MAN1A1: variants seen among roughly 807,000 people sequenced by gnomAD.
MAN1A1 encodes mannosidase alpha class 1A member 1.
Under a neutral mutation model 70.8 loss-of-function variants are expected in MAN1A1, and 29 were observed. The observed-to-expected ratio is 0.41, with a 90% CI of 0.31 to 0.56. MAN1A1 has a LOEUF of 0.56. Ranked by LOEUF, MAN1A1 falls within the 20% of genes least tolerant of loss-of-function variation. The pLI is 0.29. For synonymous variants in MAN1A1, 349 were observed against 330.1 expected (o/e 1.06, Z -0.62); for missense variants, 747 against 841.3 (o/e 0.89, Z 1.39).
At chr6:119,207,243 CACCCCCCCA>C (rs1429310772) in intron 6 of MAN1A1, among the ~76,000 whole-genome samples, 1 of 151,952 alleles carries the variant, frequency 6.6e-6, no homozygotes, top group Non-Finnish European at 1.5e-5. Flanking sequence ...TTTCTGTCAC[CACCCCCCCA>C]ACCCCCAACC....
chr6:119,223,803 T>C (rs2114262578), intron 6 of MAN1A1, among the ~76,000 whole-genome samples: 1 of 151,946 alleles, frequency 6.6e-6, no homozygotes, highest in South Asian at 2.1e-4. Context: ...GTGAAGAAAA[T>C]TGGTTACCAA....
chr6:119,180,898 T>G (rs1249700097), intron 11 of MAN1A1, among the ~76,000 whole-genome samples: 1 of 152,170 alleles, frequency 6.6e-6, no homozygotes, highest in Non-Finnish European at 1.5e-5. Context: ...AACCATAAAC[T>G]AAATGTAAAT....
chr6:119,298,519 T>C (rs763992799), intron 4 of MAN1A1, among the ~76,000 whole-genome samples: 27 of 152,274 alleles, frequency 1.8e-4, no homozygotes, highest in Admixed American at 6.5e-4. Flanking sequence ...AGGAGCACCA[T>C]AGGATAAACA....
At chr6:119,263,068 C>T (rs149207242) in intron 5 of MAN1A1, among the ~76,000 whole-genome samples, 83 of 152,236 alleles carry the variant, frequency 5.5e-4, no homozygotes, top group African/African-American at 2.0e-3. Context: ...ATGCTTCCTG[C>T]CCTCAAACAT....
intron 2 of MAN1A1, 46 bp downstream of exon 2, chr6:119,348,417 G>C (rs778306669): frequency 6.7e-7 from 1 of 1,501,394 alleles, no homozygotes. Context: ...GTTTCTCCCT[G>C]AAAAACACGG....
chr6:119,277,176 G>A (rs984305032), intron 5 of MAN1A1, among the ~76,000 whole-genome samples: 2 of 152,030 alleles, frequency 1.3e-5, no homozygotes, highest in Non-Finnish European at 2.9e-5. Context: ...CAAGACTGGA[G>A]CTGTTTGCTT....
intron 2 of MAN1A1, among the ~76,000 whole-genome samples, chr6:119,317,384 G>T (rs1772882644): frequency 6.6e-6 from 1 of 152,030 alleles, no homozygotes; most frequent in Non-Finnish European, 1.5e-5. Flanking sequence ...CCTCTATGTT[G>T]TGCTTATTCA....
Position 119,189,764 on chromosome 6 carries a change from G to T in MAN1A1, c.1446C>A (p.Phe482Leu). 1 of 1,614,074 alleles carries T rather than the reference G, an allele frequency of 6.2e-7. No individual in the cohort carries two copies. The highest frequency in any genetic ancestry group is 2.2e-5 in the East Asian group (1 of 44,860). The change falls in exon 10 of 13, where the codon TTC (phenylalanine) becomes TTA (leucine). Residue 482 changes from phenylalanine (F) to leucine (L), a missense_variant. Around this residue, in one of 2 missense-constraint regions of MAN1A1, gnomAD observed 419 missense variants for 548.2 expected, o/e 0.76. Coordinates refer to ENST00000368468, the MANE Select transcript of MAN1A1 (RefSeq NM_005907.4). ...GHLTCFAGGMFALGADAAPEG... is the reference protein window; with the variant it reads ...GHLTCFAGGMLALGADAAPEG... The stretch of plus-strand genomic sequence containing the variant: ...CGGGAGCTGCATCAGCCCCGAGTGC[G>T]AACATGCCCCCCGCGAAGCAGGTCA...
chr6:119,317,609 T>C (rs542195206), intron 2 of MAN1A1, among the ~76,000 whole-genome samples: 1 of 152,314 alleles, frequency 6.6e-6, no homozygotes, highest in African/African-American at 2.4e-5. Flanking sequence ...CTGAATAATA[T>C]TCCATTGTCT....
At chr6:119,336,692 T>G (rs557122287) in intron 2 of MAN1A1, among the ~76,000 whole-genome samples, 1 of 152,232 alleles carries the variant, frequency 6.6e-6, no homozygotes, top group African/African-American at 2.4e-5. Flanking sequence ...AACATGTTTA[T>G]GTAATTCTGA....
chr6:119,331,793 C>T (rs1397195940), intron 2 of MAN1A1: 2 of 254,340 alleles, frequency 7.9e-6, no homozygotes, highest in Non-Finnish European at 1.6e-5. Context: ...ACTTCCTTCT[C>T]AGGCAGAGGA....
At chr6:119,322,199 A>G (rs1773027933) in intron 2 of MAN1A1, among the ~76,000 whole-genome samples, 1 of 152,118 alleles carries the variant, frequency 6.6e-6, no homozygotes, top group Admixed American at 6.6e-5. Flanking sequence ...CATGGCCTAT[A>G]CTGCATTCAA....
In MAN1A1 at chr6:119,188,490, C is replaced by T. The variant is rs780762301; in HGVS notation, c.1634G>A (p.Arg545Gln). The T allele has an allele frequency of 5.0e-6, 8 of 1,613,862 alleles. No homozygotes were observed. The highest frequency in any genetic ancestry group is 4.2e-6 in the Non-Finnish European group (5 of 1,179,858). ...CATGTAAGTCTCCATAACTTCTGGC[C>T]GTAAGATGTAGTATTTTTCATTTTG... The part of the protein sequence containing the change: ...TRQNEKYYIL[R>Q]PEVMETYMYM... The change falls in exon 11 of 13, where the codon CGG (arginine) becomes CAG (glutamine). Residue 545 changes from arginine to glutamine, a missense_variant. Arg to Gln is a conservative substitution (Grantham distance 43). This residue lies in a region of MAN1A1 where 419 missense variants were observed against 548.2 expected (regional missense o/e 0.76). Coordinates refer to ENST00000368468, the MANE Select transcript of MAN1A1 (RefSeq NM_005907.4).
At chr6:119,289,121 T>A (rs750322116) in intron 5 of MAN1A1, among the ~76,000 whole-genome samples, 2 of 151,844 alleles carry the variant, frequency 1.3e-5, no homozygotes, top group Non-Finnish European at 2.9e-5. Context: ...CATATATGTA[T>A]GTAAACTTAA....
At chr6:119,181,466 C>A (rs201440239) in intron 11 of MAN1A1, among the ~76,000 whole-genome samples, 1 of 96,332 alleles carries the variant, frequency 1.0e-5, no homozygotes, top group East Asian at 2.9e-4. Context: ...TTTTTTTTTT[C>A]AGTCTAGTAT....
chr6:119,217,078 AC>A (rs1774226067), intron 6 of MAN1A1, among the ~76,000 whole-genome samples: 1 of 152,208 alleles, frequency 6.6e-6, no homozygotes, highest in African/African-American at 2.4e-5. Flanking sequence ...AATAAACATT[AC>A]CCAATTGCCT....
chr6:119,348,218 T>A (rs1440529056), intron 2 of MAN1A1, among the ~76,000 whole-genome samples: 2 of 152,248 alleles, frequency 1.3e-5, no homozygotes, highest in East Asian at 3.8e-4. Flanking sequence ...GTGTGGCTTG[T>A]GGTCACCAGA....
intron 6 of MAN1A1, among the ~76,000 whole-genome samples, chr6:119,223,876 A>G (rs981189663): frequency 6.6e-6 from 1 of 152,212 alleles, no homozygotes; most frequent in Non-Finnish European, 1.5e-5. Flanking sequence ...AAACTCAACT[A>G]TTTAAAGGCA....
At position 119,274,877 on chromosome 6, in the gene MAN1A1, G is replaced by A. The variant is rs3798619; in HGVS notation, c.897+15806C>T. Among the ~76,000 whole-genome samples the A allele has an allele frequency of 5.9e-3, 894 of 151,986 alleles. 30 individuals carry two copies. The East Asian group carries it at 0.09, about 15-fold the overall frequency. On this transcript the variant is annotated intron_variant, in intron 5 of 12. Coordinates refer to ENST00000368468, the MANE Select transcript of MAN1A1 (RefSeq NM_005907.4). ...TCAGAGATTGAAGAATAAAAACATG[G>A]GAAAGAAAATGAGAATTTTTTCAAT...
Sources: gnomAD v4.1 joint callset for allele counts (sites outside exome capture counted in the v4.1 genomes callset) on GRCh38, gnomAD v4.1.1 for gene constraint, gnomAD v4.1.1 regional missense constraint, MANE v1.5 for transcripts, NCBI Gene and HGNC (gene_info 2026-07-23, HGNC 2026-07-21) for gene names.